Variants in SNX16 observed in about 807,000 individuals in gnomAD.
The protein encoded by SNX16 is sorting nexin 16, also known as sorting nexin-16.
A neutral mutation model predicts 36.7 loss-of-function variants in SNX16; 35 were observed. The ratio of observed to expected loss-of-function variants is 0.95; its 90% confidence interval spans 0.73 to 1.27. The LOEUF is 1.27. Ranked by LOEUF, SNX16 falls within the 50% of genes most tolerant of loss-of-function variation. The probability of loss-of-function intolerance (pLI) is 0.00; values close to 1 mark genes in which losing one functional copy is unlikely to be tolerated. For missense variants in SNX16, 367 were observed against 393.6 expected (o/e 0.93, Z 0.57); for synonymous variants, 134 against 132.0 (o/e 1.02, Z -0.10).
intron 2 of SNX16, among the ~76,000 whole-genome samples, chr8:81,831,693 CAAAA>C (rs754113806): frequency 7.4e-5 from 6 of 80,970 alleles, no homozygotes; most frequent in South Asian, 4.3e-4. Flanking sequence ...GAGACTCCGT[CAAAA>C]AAAAAAAAAA....
chr8:81,823,493 A>G (rs575730732), intron 4 of SNX16, among the ~76,000 whole-genome samples: 1 of 152,224 alleles, frequency 6.6e-6, no homozygotes, highest in East Asian at 1.9e-4. Flanking sequence ...GTTTTGTTTA[A>G]GTCATTGCTA....
rs192745360 is a variant in SNX16 at position 81,819,690 on chromosome 8, A to G, written c.611+4102T>C. Among the ~76,000 whole-genome samples the G allele has an allele frequency of 4.6e-5, 7 of 152,148 alleles. No homozygotes were observed. In the East Asian group the frequency reaches 9.7e-4, roughly 21 times the overall value. ...GCATCTTTTAAATAGTAAGCTCTAA[A>G]TAAATATTTATTGAACAGATAAAAT... On this transcript the variant is annotated intron_variant, in intron 4 of 7. Coordinates refer to ENST00000345957, the MANE Select transcript of SNX16 (RefSeq NM_152836.3).
At chr8:81,816,118 G>A (rs888647239) in intron 4 of SNX16, among the ~76,000 whole-genome samples, 1 of 151,274 alleles carries the variant, frequency 6.6e-6, no homozygotes, top group Non-Finnish European at 1.5e-5. Flanking sequence ...AAATATAAAT[G>A]TGGATCCTTA....
intron 4 of SNX16, among the ~76,000 whole-genome samples, chr8:81,819,366 G>C (rs974844303): frequency 7.9e-5 from 12 of 152,030 alleles, no homozygotes; most frequent in African/African-American, 2.7e-4. Flanking sequence ...AAACTGACTT[G>C]CATGTTGTTC....
intron 1 of SNX16, chr8:81,841,766 C>G (rs1253451594): frequency 6.6e-6 from 1 of 152,336 alleles, no homozygotes; most frequent in Non-Finnish European, 1.5e-5. Context: ...TGAGGTGGCC[C>G]GACTCTGAGC....
chr8:81,839,008 A>C (rs1031491220), intron 2 of SNX16, among the ~76,000 whole-genome samples: 6 of 152,200 alleles, frequency 3.9e-5, no homozygotes, highest in African/African-American at 1.4e-4. Flanking sequence ...TCAATTAGTC[A>C]TTAAGAAAAT....
At chr8:81,837,964 G>T (rs1037653513) in intron 2 of SNX16, among the ~76,000 whole-genome samples, 17 of 152,182 alleles carry the variant, frequency 1.1e-4, no homozygotes, top group African/African-American at 3.4e-4. Context: ...TAAATTTACA[G>T]CATGAAACAT....
At chr8:81,822,831 T>C (rs548365682) in intron 4 of SNX16, among the ~76,000 whole-genome samples, 2 of 151,570 alleles carry the variant, frequency 1.3e-5, no homozygotes, top group South Asian at 4.2e-4. Flanking sequence ...TGGGTTTGGC[T>C]TGTAGTTCCT....
intron 2 of SNX16, 102 bp downstream of exon 2, chr8:81,839,510 G>A: frequency 8.5e-7 from 1 of 1,174,972 alleles, no homozygotes; most frequent in East Asian, 2.4e-5. Flanking sequence ...TCATATTCAA[G>A]AAATTATAAG....
chr8:81,824,225 T>A (rs922894682), intron 3 of SNX16, among the ~76,000 whole-genome samples: 1 of 152,194 alleles, frequency 6.6e-6, no homozygotes, highest in Non-Finnish European at 1.5e-5. Context: ...GGCTATAATT[T>A]GCATTTCTTT....
chr8:81,830,785 C>A (rs374195091), intron 2 of SNX16, among the ~76,000 whole-genome samples: 1,574 of 151,964 alleles, frequency 0.01, 21 homozygotes, highest in African/African-American at 0.036. Context: ...CACATGGCAC[C>A]AAAAAAGAGC....
chr8:81,803,646 G>GT (rs1450464276), intron 5 of SNX16, among the ~76,000 whole-genome samples: 1 of 151,934 alleles, frequency 6.6e-6, no homozygotes, highest in Non-Finnish European at 1.5e-5. Context: ...TATTAGCTCA[G>GT]TAGACATACT....
chr8:81,810,053 T>A (rs1810162934), intron 5 of SNX16, among the ~76,000 whole-genome samples: 1 of 152,178 alleles, frequency 6.6e-6, no homozygotes, highest in African/African-American at 2.4e-5. Flanking sequence ...CATATTACAA[T>A]TTAGGTAGAG....
At chr8:81,838,817 T>G (rs1332803940) in intron 2 of SNX16, among the ~76,000 whole-genome samples, 1 of 151,794 alleles carries the variant, frequency 6.6e-6, no homozygotes, top group Non-Finnish European at 1.5e-5. Context: ...ATTAAGGAAT[T>G]GAAAAGGCAA....
rs142256055 is a variant in SNX16, at chr8:81,813,631, G to A, written c.681+1694C>T. Among the ~76,000 whole-genome samples, 449 of 151,950 alleles carry A rather than the reference G, an allele frequency of 3.0e-3. 2 individuals carry two copies. Among genetic ancestry groups the A allele is most frequent in the African/African-American group, 0.01 (434 of 41,530 alleles). ...TTTGCACTTCAAAGAATGCCATTAA[G>A]AGGATGAAAAGACACCTACAGACTG... On this transcript the variant is annotated intron_variant, in intron 5 of 7. Coordinates refer to ENST00000345957, the MANE Select transcript of SNX16 (RefSeq NM_152836.3).
In SNX16 at chr8:81,817,355, G is replaced by A. The variant is rs529608009; in HGVS notation, c.612-1961C>T. On this transcript the variant is annotated intron_variant, in intron 4 of 7. Transcript: ENST00000345957. Reference sequence around the variant, plus strand: ...CTTTTTATATCTTTGGTTTACAGTAGAAATTTAGCCAAGATGGACAGTGAA... The same window carrying A: ...CTTTTTATATCTTTGGTTTACAGTAAAAATTTAGCCAAGATGGACAGTGAA... Among the ~76,000 whole-genome samples, 10 of 152,294 alleles carry A rather than the reference G, an allele frequency of 6.6e-5. No individual in the cohort carries two copies. In the South Asian group the frequency reaches 2.1e-3, roughly 32 times the overall value.
chr8:81,812,469 AT>A lies in SNX16; in HGVS notation c.681+2855del, dbSNP rs150048867. ...GCACATGGAAACAATATAAAGGTTG[AT>A]TTTTTTTTTATCAGAAATAATAGGG... On this transcript the variant is annotated intron_variant, in intron 5 of 7. Coordinates refer to ENST00000345957, the MANE Select transcript of SNX16 (RefSeq NM_152836.3). Among the ~76,000 whole-genome samples the A allele has an allele frequency of 1.5e-4, 23 of 149,964 alleles. No individual in the cohort carries two copies. The East Asian group carries it at 1.6e-3, about 10-fold the overall frequency.
intron 5 of SNX16, among the ~76,000 whole-genome samples, chr8:81,809,559 A>G (rs1422017783): frequency 1.3e-5 from 2 of 152,174 alleles, no homozygotes; most frequent in African/African-American, 4.8e-5. Context: ...AAATGTGACA[A>G]AGAATGTGCA....
intron 4 of SNX16, among the ~76,000 whole-genome samples, chr8:81,822,088 T>C (rs1810772349): frequency 6.6e-6 from 1 of 152,058 alleles, no homozygotes; most frequent in Admixed American, 6.6e-5. Context: ...ATGAACGGTG[T>C]CTTAAAGCAT....
Sources: gnomAD v4.1 joint callset for allele counts (sites outside exome capture counted in the v4.1 genomes callset) on GRCh38, gnomAD v4.1.1 for gene constraint, MANE v1.5 for transcripts, NCBI Gene and HGNC (gene_info 2026-07-23, HGNC 2026-07-21) for gene names.